The following STARD13 variants were observed in gnomAD, a reference collection of about 807,000 sequenced individuals.
STARD13 encodes the protein StAR related lipid transfer domain containing 13, also known as stAR-related lipid transfer protein 13.
STARD13 carries 62 observed loss-of-function variants against 106.4 expected under a neutral mutation model. That is an observed-to-expected ratio of 0.58 (90% CI 0.48 to 0.72). The LOEUF is 0.72. STARD13 is among the 30% of genes least tolerant of loss of function. STARD13 has a pLI of 0.00. For synonymous variants in STARD13, 565 were observed against 553.0 expected (o/e 1.02, Z -0.31); for missense variants, 1,387 against 1,424.0 (o/e 0.97, Z 0.42).
intron 1 of STARD13, among the ~76,000 whole-genome samples, chr13:33,229,609 A>G (rs1336781603): frequency 6.6e-6 from 1 of 152,240 alleles, no homozygotes; most frequent in African/African-American, 2.4e-5. Context: ...GCACGCGTGC[A>G]CACACACCAC....
At chr13:33,485,501 A>G in the STARD13 span, among the ~76,000 whole-genome samples, 8 of 152,220 alleles carry the variant, frequency 5.3e-5, no homozygotes, top group African/African-American at 1.9e-4. Context: ...TTTAAAGAAG[A>G]ACAACATAGA....
chr13:33,360,962 ATTT>A, the STARD13 span, among the ~76,000 whole-genome samples: 17 of 115,916 alleles, frequency 1.5e-4, no homozygotes, highest in Non-Finnish European at 2.4e-4. Context: ...CGCCCGGCTA[ATTT>A]TTTTTTTTTT....
intron 1 of STARD13, among the ~76,000 whole-genome samples, chr13:33,324,833 G>A (rs1437102913): frequency 2.0e-5 from 3 of 152,166 alleles, no homozygotes; most frequent in Non-Finnish European, 2.9e-5. Flanking sequence ...ACAAATGCCT[G>A]CAGATTGATT....
At chr13:33,631,842 C>CAAATT in the STARD13 span, among the ~76,000 whole-genome samples, 4 of 151,988 alleles carry the variant, frequency 2.6e-5, no homozygotes, top group Non-Finnish European at 5.9e-5. Context: ...ATCTGGTGAG[C>CAAATT]ACATAAAAGT....
chr13:33,406,228 A>G, the STARD13 span, among the ~76,000 whole-genome samples: 3 of 152,346 alleles, frequency 2.0e-5, no homozygotes, highest in African/African-American at 4.8e-5. Flanking sequence ...GCTGTGATTT[A>G]ATACATAGAA....
Position 33,300,397 on chromosome 13 carries a change from C to T in STARD13, c.124+49893G>A, listed in dbSNP as rs1892666023. Among the ~76,000 whole-genome samples, 4 of 152,264 alleles carry T rather than the reference C, an allele frequency of 2.6e-5. No homozygotes were observed. In the South Asian group the frequency reaches 8.3e-4, roughly 32 times the overall value. On this transcript the variant is annotated intron_variant, in intron 1 of 5. Coordinates refer to the STARD13 transcript ENST00000567873. ...GATGTTTTCAATTTTATGTGGTCAA[C>T]TGAATCAGAAATGTCATAGGTTAGC...
intron 1 of STARD13, among the ~76,000 whole-genome samples, chr13:33,241,702 G>GACTGGTT (rs1889514917): frequency 6.6e-6 from 1 of 152,038 alleles, no homozygotes; most frequent in Admixed American, 6.5e-5. Context: ...CGCCACGCCT[G>GACTGGTT]ACTGGTTTTC....
intron 1 of STARD13, among the ~76,000 whole-genome samples, chr13:33,304,912 T>C (rs1262346446): frequency 2.0e-5 from 3 of 152,234 alleles, no homozygotes; most frequent in African/African-American, 4.8e-5. Context: ...GAGAATGCAA[T>C]GGTGAACAAA....
At chr13:33,621,567 C>A in the STARD13 span, among the ~76,000 whole-genome samples, 1 of 150,168 alleles carries the variant, frequency 6.7e-6, no homozygotes, top group African/African-American at 2.4e-5. Flanking sequence ...GTAGTCCCAG[C>A]TACTCGGGAG....
At chr13:33,645,784 C>T in the STARD13 span, among the ~76,000 whole-genome samples, 15 of 152,230 alleles carry the variant, frequency 9.9e-5, no homozygotes, top group East Asian at 2.9e-3. Flanking sequence ...TTTGATTTGT[C>T]CAAAAGCTTG....
chr13:33,280,175 TG>T (rs1246156607), intron 1 of STARD13: 7 of 152,204 alleles, frequency 4.6e-5, no homozygotes, highest in Non-Finnish European at 1.0e-4. Flanking sequence ...ACCCAGTTGC[TG>T]GGGGTATGGG....
chr13:33,142,590 C>T (rs1395785562), intron 3 of STARD13, among the ~76,000 whole-genome samples: 3 of 152,204 alleles, frequency 2.0e-5, no homozygotes, highest in Admixed American at 6.5e-5. Flanking sequence ...GCCTACCAAT[C>T]CCTGCCTTTT....
In STARD13 at chr13:33,201,623, C is replaced by A. The variant is rs140409407; in HGVS notation, c.170-34001G>T. ...TTGAATCTCCAGCTCTCCATGCAGT[C>A]AATTTTTAAATGAAAATGGTTGAGG... is the stretch of plus-strand genomic sequence containing the variant. On this transcript the variant is annotated intron_variant, in intron 1 of 13. Coordinates refer to ENST00000336934, the MANE Select transcript of STARD13 (RefSeq NM_178006.4). 3.2e-3 allele frequency among the ~76,000 whole-genome samples: 482 copies of A among 152,330 alleles called. 7 individuals are homozygous for A. The highest frequency in any genetic ancestry group is 0.011 in the African/African-American group (446 of 41,568).
chr13:33,116,564 A>G (rs1216409612), intron 8 of STARD13, among the ~76,000 whole-genome samples: 1 of 152,220 alleles, frequency 6.6e-6, no homozygotes, highest in Non-Finnish European at 1.5e-5. Context: ...CTTGTGACTC[A>G]GAAAGGGCCA....
At chr13:33,429,697 G>C in the STARD13 span, among the ~76,000 whole-genome samples, 1 of 152,120 alleles carries the variant, frequency 6.6e-6, no homozygotes, top group Non-Finnish European at 1.5e-5. Context: ...TCACTTATTT[G>C]TGGGATCTAA....
At chr13:33,536,371 A>G in the STARD13 span, among the ~76,000 whole-genome samples, 6 of 152,224 alleles carry the variant, frequency 3.9e-5, no homozygotes, top group Non-Finnish European at 8.8e-5. Flanking sequence ...TTATTCTATA[A>G]GTTAGGAAAA....
chr13:33,139,065 A>G (rs778767888), intron 4 of STARD13, among the ~76,000 whole-genome samples: 1 of 152,216 alleles, frequency 6.6e-6, no homozygotes, highest in Non-Finnish European at 1.5e-5. Context: ...ATTAAACACA[A>G]TTGCCATGAA....
the STARD13 span, among the ~76,000 whole-genome samples, chr13:33,499,523 TTCTTCTTC>T: frequency 0.016 from 782 of 50,354 alleles, 98 homozygotes; most frequent in African/African-American, 0.032. Context: ...TCTTTCTTTC[TTCTTCTTC>T]TTCTTCTTCT....
intron 1 of STARD13, among the ~76,000 whole-genome samples, chr13:33,308,076 T>C (rs9597177): frequency 0.16 from 24,115 of 152,154 alleles, 2,554 homozygotes; most frequent in Non-Finnish European, 0.22. Flanking sequence ...CTGCTCCACG[T>C]GGAGCTTTGT....
Sources: allele counts gnomAD v4.1 joint callset (sites outside exome capture counted in the v4.1 genomes callset), GRCh38; gene constraint gnomAD v4.1.1; transcripts MANE v1.5; gene names NCBI Gene and HGNC (gene_info 2026-07-23, HGNC 2026-07-21).